The following CSMD1 variants were observed in gnomAD, a reference collection of about 807,000 sequenced individuals.
The protein encoded by CSMD1 is CUB and Sushi multiple domains 1.
CSMD1 carries 213 observed loss-of-function variants against 417.5 expected under a neutral mutation model. The observed-to-expected ratio is 0.51, with a 90% CI of 0.46 to 0.57. The LOEUF (loss-of-function observed/expected upper bound fraction) is 0.57, where lower values mean the gene tolerates loss of function less well. Ranked by LOEUF, CSMD1 falls within the 20% of genes least tolerant of loss-of-function variation. The probability of loss-of-function intolerance (pLI) is 0.00; values close to 1 mark genes in which losing one functional copy is unlikely to be tolerated. For missense variants in CSMD1, 6,923 were observed against 4,529.7 expected, an observed-to-expected ratio of 1.53 and a Z score of -15.17; for synonymous variants, 2,862 against 1,736.8, an observed-to-expected ratio of 1.65 and a Z score of -16.11.
chr8:4,569,408 C>T, intron 2 of CSMD1, among the ~76,000 whole-genome samples: 1 of 152,136 alleles, frequency 6.6e-6, no homozygotes, highest in East Asian at 1.9e-4. Flanking sequence ...GAAATCCTTT[C>T]CCCATTGCTT....
At chr8:4,500,009 A>C (rs1277263019) in intron 2 of CSMD1, among the ~76,000 whole-genome samples, 2 of 152,108 alleles carry the variant, frequency 1.3e-5, no homozygotes, top group East Asian at 3.9e-4. Flanking sequence ...CACAAGAGAG[A>C]AAGAAGCGGG....
intron 5 of CSMD1, among the ~76,000 whole-genome samples, chr8:3,854,860 T>C (rs1456181886): frequency 1.3e-5 from 2 of 152,158 alleles, no homozygotes; most frequent in Non-Finnish European, 2.9e-5. Context: ...TCAATTCTAA[T>C]CCATTTCAGA....
At chr8:3,896,373 C>T (rs559271131) in intron 5 of CSMD1, among the ~76,000 whole-genome samples, 11 of 152,206 alleles carry the variant, frequency 7.2e-5, no homozygotes, top group African/African-American at 2.4e-4. Flanking sequence ...ACTAATAGTC[C>T]AAACAGATGT....
chr8:4,869,364 C>G (rs61039374), intron 1 of CSMD1, among the ~76,000 whole-genome samples: 113 of 151,928 alleles, frequency 7.4e-4, no homozygotes, highest in Middle Eastern at 3.4e-3. Flanking sequence ...TGTTAATGCT[C>G]TCTGTATTTT....
chr8:4,470,679 G>C (rs556244403), intron 2 of CSMD1, among the ~76,000 whole-genome samples: 12 of 152,080 alleles, frequency 7.9e-5, no homozygotes, highest in Admixed American at 7.9e-4. Flanking sequence ...AGTGCTTTTT[G>C]AAAAAGAATG....
chr8:4,410,887 G>A (rs1057460554), intron 3 of CSMD1, among the ~76,000 whole-genome samples: 1 of 152,186 alleles, frequency 6.6e-6, no homozygotes, highest in South Asian at 2.1e-4. Flanking sequence ...AGGGCTTAGA[G>A]GTTATAAGTT....
intron 3 of CSMD1, among the ~76,000 whole-genome samples, chr8:4,090,641 A>G (rs1229453286): frequency 1.3e-5 from 2 of 152,208 alleles, no homozygotes; most frequent in East Asian, 1.9e-4. Context: ...ACGTCCCTGA[A>G]CTTAAGTAAT....
At chr8:3,378,103 G>A (rs1431526188) in intron 18 of CSMD1, among the ~76,000 whole-genome samples, 1 of 152,164 alleles carries the variant, frequency 6.6e-6, no homozygotes, top group Non-Finnish European at 1.5e-5. Flanking sequence ...GGATGTGTTT[G>A]ATTGTTGGTA....
At chr8:3,190,142 G>T (rs766912860) in intron 33 of CSMD1, 27 bp from the exon 34 acceptor site, 2 of 1,534,816 alleles carry the variant, frequency 1.3e-6, no homozygotes, top group Non-Finnish European at 8.8e-7. Flanking sequence ...GAACACAGCC[G>T]TCTGTATCTC....
chr8:3,326,406 G>C (rs538177958), intron 23 of CSMD1, among the ~76,000 whole-genome samples: 2 of 152,140 alleles, frequency 1.3e-5, no homozygotes, highest in Non-Finnish European at 2.9e-5. Context: ...CCTGTTTTTA[G>C]GGTAGCCTCA....
intron 3 of CSMD1, among the ~76,000 whole-genome samples, chr8:4,326,730 T>G (rs914074240): frequency 1.3e-5 from 2 of 152,114 alleles, no homozygotes; most frequent in South Asian, 4.1e-4. Context: ...AAATGGGGAC[T>G]TGATGGAATA....
At chr8:3,036,552 C>T (rs1585199594) in intron 50 of CSMD1, among the ~76,000 whole-genome samples, 1 of 152,218 alleles carries the variant, frequency 6.6e-6, no homozygotes, top group Non-Finnish European at 1.5e-5. Context: ...CTCATACACA[C>T]AACTAAAGCA....
intron 61 of CSMD1, 133 bp from the exon 62 acceptor site, chr8:2,961,347 A>C (rs555982825): frequency 2.3e-6 from 1 of 437,860 alleles, no homozygotes; most frequent in African/African-American, 2.0e-5. Context: ...GTTTTTCAGG[A>C]AAGTTAAAAA....
At chr8:4,188,266 G>A (rs989941338) in intron 3 of CSMD1, among the ~76,000 whole-genome samples, 7 of 152,132 alleles carry the variant, frequency 4.6e-5, no homozygotes, top group Admixed American at 2.0e-4. Flanking sequence ...TGGAGGCCAC[G>A]CTTGCCCTAG....
intron 25 of CSMD1, among the ~76,000 whole-genome samples, chr8:3,294,448 C>T (rs943941920): frequency 6.6e-6 from 1 of 152,194 alleles, no homozygotes; most frequent in Non-Finnish European, 1.5e-5. Flanking sequence ...AGGCAGGCTT[C>T]CTTGAGCTGT....
intron 2 of CSMD1, among the ~76,000 whole-genome samples, chr8:4,454,879 C>A (rs921311941): frequency 2.0e-5 from 3 of 152,110 alleles, no homozygotes; most frequent in Non-Finnish European, 4.4e-5. Context: ...ATCTAAATGG[C>A]GTCCTGTGAT....
intron 3 of CSMD1, among the ~76,000 whole-genome samples, chr8:4,418,700 A>T (rs1797084430): frequency 6.6e-6 from 1 of 152,192 alleles, no homozygotes; most frequent in African/African-American, 2.4e-5. Context: ...GAAGTGGTAC[A>T]TTGATATCAT....
In CSMD1 at chr8:3,521,834, T is replaced by C. The variant is rs146407824; in HGVS notation, c.1345-28108A>G. ...TACACACCTTCTTAGCTTTAAGAAA[T>C]GTATATTATCATACTATCTATTCTA... On this transcript the variant is annotated intron_variant, in intron 10 of 69. Coordinates refer to ENST00000635120, the MANE Select transcript of CSMD1 (RefSeq NM_033225.6). Among the ~76,000 whole-genome samples, 454 of 152,322 alleles carry C rather than the reference T, an allele frequency of 3.0e-3. 1 individual carries two copies. Among genetic ancestry groups the C allele is most frequent in the African/African-American group, 0.011 (443 of 41,560 alleles).
At chr8:3,397,933 C>T (rs941936344) in intron 16 of CSMD1, among the ~76,000 whole-genome samples, 2 of 152,130 alleles carry the variant, frequency 1.3e-5, no homozygotes, top group Admixed American at 6.6e-5. Flanking sequence ...ATGAACATTT[C>T]CTTATGCAAT....
Sources: allele counts gnomAD v4.1 joint callset (sites outside exome capture counted in the v4.1 genomes callset), GRCh38; gene constraint gnomAD v4.1.1; transcripts MANE v1.5; gene names NCBI Gene and HGNC (gene_info 2026-07-23, HGNC 2026-07-21).